Variants in RGS3 observed in about 807,000 individuals in gnomAD.
The protein encoded by RGS3 is regulator of G-protein signalling 3.
RGS3 carries 80 observed loss-of-function variants against 132.6 expected under a neutral mutation model. That is an observed-to-expected ratio of 0.60 (90% CI 0.50 to 0.73). The LOEUF (loss-of-function observed/expected upper bound fraction) is 0.73. RGS3 is among the 30% of genes least tolerant of loss of function. RGS3 has a pLI of 0.00. For synonymous variants in RGS3, 598 were observed against 620.6 expected, an observed-to-expected ratio of 0.96 and a Z score of 0.54; for missense variants, 1,382 against 1,530.8, an observed-to-expected ratio of 0.90 and a Z score of 1.62.
intron 21 of RGS3, chr9:113,593,578 G>A (rs1835557010): frequency 3.7e-6 from 1 of 270,864 alleles, no homozygotes; most frequent in Non-Finnish European, 6.9e-6. Context: ...AAGATGTTGG[G>A]GTCCTGCTGT....
At position 113,505,422 on chromosome 9, in the gene RGS3, C is replaced by T. The variant is rs529183136; in HGVS notation, c.898-20C>T. Reference sequence around the variant, plus strand: ...AGAGCCTCCAGCTTCTGGCAGTGACCGGGCAGGGCTGTGTCCTAGATCACC... The same window carrying T: ...AGAGCCTCCAGCTTCTGGCAGTGACTGGGCAGGGCTGTGTCCTAGATCACC... On this transcript the variant is annotated intron_variant, in intron 10 of 24. Transcript: ENST00000350696. 12 of 1,612,364 alleles carry T rather than the reference C, an allele frequency of 7.4e-6. No homozygotes were observed. Among genetic ancestry groups the T allele is most frequent in the Admixed American group, 3.3e-5 (2 of 60,008 alleles).
intron 18 of RGS3, 61 bp from the exon 17 acceptor site, chr9:113,536,735 G>C: frequency 6.9e-6 from 11 of 1,583,972 alleles, no homozygotes; most frequent in Non-Finnish European, 8.6e-6. Context: ...CTTGGGCCTG[G>C]GAGCCCCCTG....
At chr9:113,495,875 T>C in intron 8 of RGS3, 29 bp downstream of exon 6, 1 of 1,585,852 alleles carries the variant, frequency 6.3e-7, no homozygotes, top group South Asian at 1.1e-5. Flanking sequence ...TCTGTCAGGA[T>C]CATCCCAACT....
intron 24 of RGS3, 29 bp downstream of exon 22, chr9:113,595,794 C>T: frequency 6.2e-7 from 1 of 1,605,572 alleles, no homozygotes; most frequent in Non-Finnish European, 8.5e-7. Context: ...CCCTCCGCTC[C>T]TCCAATCCCC....
At chr9:113,526,578 G>A (rs1250289603) in intron 17 of RGS3, among the ~76,000 whole-genome samples, 1 of 152,140 alleles carries the variant, frequency 6.6e-6, no homozygotes, top group African/African-American at 2.4e-5. Context: ...TGGAGAATGG[G>A]GACAATACCC....
intron 19 of RGS3, among the ~76,000 whole-genome samples, chr9:113,567,825 G>C (rs1834080470): frequency 6.6e-6 from 1 of 152,196 alleles, no homozygotes; most frequent in Non-Finnish European, 1.5e-5. Context: ...GGACCCTCTT[G>C]GGATGGTGCC....
At chr9:113,558,198 A>G (rs995989920) in intron 19 of RGS3, among the ~76,000 whole-genome samples, 2 of 152,182 alleles carry the variant, frequency 1.3e-5, no homozygotes. Context: ...TGGGAGAAGA[A>G]TGGTGCTCAA....
At chr9:113,485,054 T>A (rs1021808983) in intron 6 of RGS3, among the ~76,000 whole-genome samples, 1 of 151,764 alleles carries the variant, frequency 6.6e-6, no homozygotes, top group Non-Finnish European at 1.5e-5. Flanking sequence ...TTTGCATGTG[T>A]GTGTGTATAT....
In RGS3 at chr9:113,583,865, C is replaced by G. The variant is rs765795003; in HGVS notation, c.2453C>G (p.Pro818Arg). ...GACCTTCCACCCTGTCAAGATCTGC[C>G]TCCTAGCCAGGTCTCCCTGCCAGCC... The change falls in exon 20 of 25, where the codon CCT becomes CGT. Residue 818 changes from proline (P) to arginine (R), a missense_variant. Physicochemically the swap from Pro to Arg is moderately radical, Grantham distance 103. Transcript: ENST00000350696. The G allele has an allele frequency of 6.2e-6, 10 of 1,613,844 alleles. No individual in the cohort carries two copies. In the Admixed American group the frequency reaches 1.7e-4, roughly 27 times the overall value.
At chr9:113,508,002 G>C (rs557840667) in intron 13 of RGS3, among the ~76,000 whole-genome samples, 1 of 152,154 alleles carries the variant, frequency 6.6e-6, no homozygotes, top group Non-Finnish European at 1.5e-5. Flanking sequence ...TTGCATGGTG[G>C]GATGATGGAG....
chr9:113,595,875 C>A, intron 24 of RGS3, 110 bp downstream of exon 22: 1 of 1,185,490 alleles, frequency 8.4e-7, no homozygotes, highest in Admixed American at 2.1e-5. Flanking sequence ...AGAATGACTC[C>A]ATGAGCCCAG....
chr9:113,549,959 G>A (rs1235823356), intron 19 of RGS3, among the ~76,000 whole-genome samples: 2 of 152,150 alleles, frequency 1.3e-5, no homozygotes, highest in Non-Finnish European at 2.9e-5. Flanking sequence ...AGCTATGATT[G>A]CACCACTGCA....
rs145600648 is a variant in RGS3, at chr9:113,594,178, G to A, written c.3081-252G>A. 1.7e-3 allele frequency: 2,768 copies of A among 1,613,036 alleles called. 8 individuals are homozygous for A. Among genetic ancestry groups the A allele is most frequent in the Non-Finnish European group, 2.0e-3 (2,339 of 1,180,028 alleles). ...AGCGTGTGTGGCTGCAGCCTGCACC[G>A]TTGCTGCCCGCTGCCCAGGACGCGG... On this transcript the variant is annotated intron_variant, in intron 21 of 24. Transcript: ENST00000350696.
intron 17 of RGS3, among the ~76,000 whole-genome samples, chr9:113,524,907 G>T (rs1352723489): frequency 1.3e-5 from 2 of 152,224 alleles, no homozygotes; most frequent in Admixed American, 6.5e-5. Context: ...CCTCCACTGG[G>T]TTGTGATGGT....
At chr9:113,495,431 G>C (rs1300575655) in intron 7 of RGS3, among the ~76,000 whole-genome samples, 1 of 152,202 alleles carries the variant, frequency 6.6e-6, no homozygotes, top group Non-Finnish European at 1.5e-5. Flanking sequence ...CATCACCAAT[G>C]ATGTGGGCAA....
At chr9:113,447,843 C>G (rs1207747701) in intron 1 of RGS3, among the ~76,000 whole-genome samples, 1 of 149,950 alleles carries the variant, frequency 6.7e-6, no homozygotes, top group Admixed American at 6.7e-5. Flanking sequence ...TGCATTACCC[C>G]TAGTCTTTTT....
chr9:113,494,648 T>C (rs1203081146), intron 7 of RGS3, among the ~76,000 whole-genome samples: 1 of 152,130 alleles, frequency 6.6e-6, no homozygotes, highest in African/African-American at 2.4e-5. Context: ...CACCATGCCC[T>C]GCTATTTTAA....
chr9:113,569,897 G>C (rs1208275278), intron 19 of RGS3, among the ~76,000 whole-genome samples: 2 of 152,136 alleles, frequency 1.3e-5, no homozygotes, highest in Admixed American at 1.3e-4. Flanking sequence ...TGATTGTACA[G>C]ATGCTTGCCC....
Position 113,463,640 on chromosome 9 carries a change from C to T in RGS3, c.415+1439C>T. 1 of 1,271,226 alleles carries T rather than the reference C, an allele frequency of 7.9e-7. No individual in the cohort carries two copies. Among genetic ancestry groups the T allele is most frequent in the Non-Finnish European group, 1.0e-6 (1 of 994,366 alleles). 78.7% of individuals were successfully genotyped at this position (1,271,226 alleles called of 1,614,324 possible). On this transcript the variant is annotated intron_variant, in intron 3 of 24. Transcript: ENST00000350696. The surrounding 1 kb of genome is among the most constrained non-coding windows in gnomAD (Gnocchi z 4.6). ...GCAGGTGGAACTCTCCCCATTCAAA[C>T]CCGCGCGGGCCAATCAGGGCCGGGC...
Sources: allele counts gnomAD v4.1 joint callset (sites outside exome capture counted in the v4.1 genomes callset), GRCh38; gene constraint gnomAD v4.1.1; non-coding constraint Gnocchi (gnomAD v3.1); transcripts MANE v1.5; gene names NCBI Gene and HGNC (gene_info 2026-07-23, HGNC 2026-07-21).